GSG1L2: variants seen among roughly 807,000 people sequenced by gnomAD.
GSG1L2 encodes the protein GSG1 like 2.
In GSG1L2, 15 loss-of-function variants were observed where a neutral mutation model predicts 9.0. The observed-to-expected ratio is 1.67, with a 90% CI of 1.12 to 2.57. The LOEUF is 2.57. Ranked by LOEUF, GSG1L2 falls within the 30% of genes most tolerant of loss-of-function variation. The pLI is 0.00. For synonymous variants in GSG1L2, 127 were observed against 57.9 expected, an observed-to-expected ratio of 2.19 and a Z score of -5.41; for missense variants, 286 against 150.3, an observed-to-expected ratio of 1.90 and a Z score of -4.72.
intron 4 of GSG1L2, chr17:9,805,047 G>A (rs917025862): frequency 1.3e-5 from 2 of 152,092 alleles, no homozygotes; most frequent in South Asian, 2.1e-4. Flanking sequence ...TGGAAGACAA[G>A]TAGAGAAAAA....
At chr17:9,815,697 TG>T (rs2066556767) in intron 1 of GSG1L2, among the ~76,000 whole-genome samples, 1 of 152,238 alleles carries the variant, frequency 6.6e-6, no homozygotes, top group Admixed American at 6.5e-5. Context: ...AAGGCATCTC[TG>T]AGGAGTAATA....
chr17:9,821,640 C>G, intron 1 of GSG1L2, 122 bp downstream of exon 1: 1 of 641,208 alleles, frequency 1.6e-6, no homozygotes, highest in South Asian at 1.8e-5. Flanking sequence ...GCTCCAGAGC[C>G]CCTGCATCAT....
intron 1 of GSG1L2, among the ~76,000 whole-genome samples, chr17:9,819,474 A>G (rs903878221): frequency 3.9e-5 from 6 of 152,370 alleles, no homozygotes; most frequent in Admixed American, 1.3e-4. Context: ...GGAAGAAAAT[A>G]CTAGAAGAAA....
At chr17:9,819,887 A>C (rs1277853690) in intron 1 of GSG1L2, among the ~76,000 whole-genome samples, 6 of 151,874 alleles carry the variant, frequency 4.0e-5, no homozygotes. Flanking sequence ...TGCTGGGATT[A>C]CAGGTGTGAG....
chr17:9,818,576 G>T (rs1310298309), intron 1 of GSG1L2, among the ~76,000 whole-genome samples: 2 of 135,826 alleles, frequency 1.5e-5, no homozygotes, highest in African/African-American at 5.7e-5. Flanking sequence ...GGCTGGTCTC[G>T]AACTCCTGAC....
At chr17:9,802,713 A>T (rs1163860124) in intron 4 of GSG1L2, 69 bp from the exon 5 acceptor site, 1 of 664,490 alleles carries the variant, frequency 1.5e-6, no homozygotes, top group Non-Finnish European at 2.7e-6. Flanking sequence ...TTTTCTCCAG[A>T]CTGGGGGTCA....
intron 2 of GSG1L2, chr17:9,810,127 C>A (rs2066533544): frequency 5.5e-6 from 1 of 181,204 alleles, no homozygotes; most frequent in Non-Finnish European, 1.2e-5. Flanking sequence ...CTTCACAAAA[C>A]CTCTACTCCA....
At chr17:9,813,902 A>G (rs1216180693) in intron 1 of GSG1L2, among the ~76,000 whole-genome samples, 1 of 152,090 alleles carries the variant, frequency 6.6e-6, no homozygotes, top group Non-Finnish European at 1.5e-5. Context: ...TCCAGTGAGA[A>G]AGTTGTGAAA....
intron 1 of GSG1L2, among the ~76,000 whole-genome samples, chr17:9,816,801 ATG>A (rs754023379): frequency 3.8e-4 from 50 of 132,462 alleles, no homozygotes; most frequent in Middle Eastern, 5.1e-3. Flanking sequence ...GTATCTGTGT[ATG>A]TGTGTCTGTT....
At chr17:9,817,475 A>G (rs2066572366) in intron 1 of GSG1L2, among the ~76,000 whole-genome samples, 1 of 146,412 alleles carries the variant, frequency 6.8e-6, no homozygotes, top group Admixed American at 6.9e-5. Context: ...CCCAGGCTGG[A>G]GTACAGTGGT....
At chr17:9,815,349 G>A (rs1243690971) in intron 1 of GSG1L2, among the ~76,000 whole-genome samples, 2 of 152,100 alleles carry the variant, frequency 1.3e-5, no homozygotes, top group Admixed American at 1.3e-4. Flanking sequence ...AAGATTCCAT[G>A]GGTATGGGTC....
In GSG1L2 at chr17:9,820,741, C is replaced by T. The variant is rs759044434; in HGVS notation, c.310+1021G>A. On this transcript the variant is annotated intron_variant, in intron 1 of 4. Transcript: ENST00000399363. The surrounding 1 kb of genome is among the most constrained non-coding windows in gnomAD (Gnocchi z 4.9). The stretch of plus-strand genomic sequence containing the variant: ...GCAGTCACACGATGATGACTCACTG[C>T]AGCCTCAACCTCCCAGGCTCAAGTG... Among the ~76,000 whole-genome samples, 13 of 151,836 alleles carry T rather than the reference C, an allele frequency of 8.6e-5. No individual in the cohort carries two copies. The highest frequency in any genetic ancestry group is 1.6e-4 in the Non-Finnish European group (11 of 67,998).
chr17:9,816,572 G>GTT (rs1283164775), intron 1 of GSG1L2, among the ~76,000 whole-genome samples: 5 of 100,702 alleles, frequency 5.0e-5, no homozygotes, highest in African/African-American at 2.7e-4. Context: ...GCATATCTGT[G>GTT]TCTGTGTGTG....
chr17:9,808,765 T>A (rs2066525890), intron 3 of GSG1L2, 65 bp downstream of exon 3: 1 of 687,308 alleles, frequency 1.5e-6, no homozygotes, highest in Admixed American at 2.0e-5. Context: ...GTAATGAGCA[T>A]GTCCAGTCTG....
At chr17:9,811,356 C>T (rs550356646) in intron 1 of GSG1L2, among the ~76,000 whole-genome samples, 42 of 152,240 alleles carry the variant, frequency 2.8e-4, no homozygotes, top group African/African-American at 9.9e-4. Flanking sequence ...GGGCAGAAGC[C>T]GCCACCAGAC....
intron 1 of GSG1L2, among the ~76,000 whole-genome samples, chr17:9,816,408 GTGTGTGTC>G (rs2066560236): frequency 6.6e-6 from 1 of 150,726 alleles, no homozygotes; most frequent in South Asian, 2.1e-4. Context: ...GTGTGTGTGT[GTGTGTGTC>G]TGTGTGTGTG....
At chr17:9,806,149 A>T (rs957788797) in intron 4 of GSG1L2, among the ~76,000 whole-genome samples, 1 of 152,170 alleles carries the variant, frequency 6.6e-6, no homozygotes, top group African/African-American at 2.4e-5. Context: ...TGCACAGATC[A>T]CTAGTGACTT....
rs2066586814 is a variant in GSG1L2 at position 9,820,886 on chromosome 17, C to G, written c.310+876G>C. On this transcript the variant is annotated intron_variant, in intron 1 of 4. Coordinates refer to ENST00000399363, the MANE Select transcript of GSG1L2 (RefSeq NM_001310219.2). The surrounding 1 kb of genome is among the most constrained non-coding windows in gnomAD (Gnocchi z 4.9). ...CCTATGTTGCCAGGCTGGTCTGTAA[C>G]TCCTGGTCTCAAGTGATTCTCCTGT... 6.6e-6 allele frequency among the ~76,000 whole-genome samples: 1 copy of G among 152,090 alleles called. No individual in the cohort carries two copies. Among genetic ancestry groups the G allele is most frequent in the Non-Finnish European group, 1.5e-5 (1 of 68,028 alleles).
intron 2 of GSG1L2, 200 bp from the exon 3 acceptor site, chr17:9,809,182 T>G: frequency 3.7e-6 from 2 of 538,734 alleles, no homozygotes; most frequent in East Asian, 3.2e-5. Context: ...TTGTAGGGAT[T>G]GCCCGTAGCT....
Sources: allele counts gnomAD v4.1 joint callset (sites outside exome capture counted in the v4.1 genomes callset), GRCh38; gene constraint gnomAD v4.1.1; non-coding constraint Gnocchi (gnomAD v3.1); transcripts MANE v1.5; gene names NCBI Gene and HGNC (gene_info 2026-07-23, HGNC 2026-07-21).